The following CACNG5 variants were observed in gnomAD, a reference collection of about 807,000 sequenced individuals.
CACNG5 encodes voltage-dependent calcium channel gamma-5 subunit.
In CACNG5, 18 loss-of-function variants were observed where a neutral mutation model predicts 24.8. The observed-to-expected ratio is 0.73, with a 90% CI of 0.50 to 1.08. CACNG5 has a LOEUF of 1.08. CACNG5 is among the 50% of genes least tolerant of loss of function. The pLI, the probability that CACNG5 is intolerant of heterozygous loss-of-function variation, is 0.00. For missense variants in CACNG5, 349 were observed against 367.9 expected, an observed-to-expected ratio of 0.95 and a Z score of 0.42; for synonymous variants, 157 against 149.1, an observed-to-expected ratio of 1.05 and a Z score of -0.39.
intron 1 of CACNG5, among the ~76,000 whole-genome samples, chr17:66,876,863 T>C (rs529942328): frequency 2.0e-5 from 3 of 152,304 alleles, no homozygotes; most frequent in South Asian, 4.1e-4. Flanking sequence ...CAGCCCTCAA[T>C]AGGTCGCATT....
chr17:66,850,019 G>T (rs1289503563), intron 1 of CACNG5, among the ~76,000 whole-genome samples: 2 of 152,234 alleles, frequency 1.3e-5, no homozygotes, highest in Non-Finnish European at 2.9e-5. Flanking sequence ...CGGTACAACT[G>T]CCAGTCAATC....
rs945089792 is a variant in CACNG5 at position 66,889,722 on chromosome 17, T to C, written c.*4482T>C. ...CAGGGGAGGTCAGCCTTTGTTCTATTCAGGCTTTCAGTGCAGTGGTTGAGG... is the reference window on the plus strand; with the variant it reads ...CAGGGGAGGTCAGCCTTTGTTCTATCCAGGCTTTCAGTGCAGTGGTTGAGG... On this transcript the variant is annotated 3_prime_UTR_variant, in exon 6 of 6. Transcript: ENST00000533854. 4.6e-5 allele frequency among the ~76,000 whole-genome samples: 7 copies of C among 152,184 alleles called. No homozygotes were observed. The highest frequency in any genetic ancestry group is 7.3e-5 in the Non-Finnish European group (5 of 68,038).
At chr17:66,862,301 G>T (rs1568066836) in intron 1 of CACNG5, among the ~76,000 whole-genome samples, 1 of 151,858 alleles carries the variant, frequency 6.6e-6, no homozygotes, top group Non-Finnish European at 1.5e-5. Context: ...AGGTGTTGGG[G>T]AGACGTGAAT....
At chr17:66,860,067 ATC>A (rs1296430337) in intron 1 of CACNG5, among the ~76,000 whole-genome samples, 1 of 152,164 alleles carries the variant, frequency 6.6e-6, no homozygotes, top group Non-Finnish European at 1.5e-5. Context: ...CCATTCAGGA[ATC>A]TCTGTTTTTC....
chr17:66,848,048 C>G (rs1379349037), intron 1 of CACNG5, among the ~76,000 whole-genome samples: 3 of 152,202 alleles, frequency 2.0e-5, no homozygotes, highest in African/African-American at 7.2e-5. Flanking sequence ...TTGCTCTGTG[C>G]ATGGAAAATG....
intron 1 of CACNG5, among the ~76,000 whole-genome samples, chr17:66,858,219 G>A (rs1446731320): frequency 1.3e-5 from 2 of 152,124 alleles, no homozygotes; most frequent in Admixed American, 6.6e-5. Flanking sequence ...GTGCACACAA[G>A]CTTCCCAACC....
At chr17:66,883,555 T>G (rs1568073598) in intron 4 of CACNG5, among the ~76,000 whole-genome samples, 1 of 152,272 alleles carries the variant, frequency 6.6e-6, no homozygotes, top group Non-Finnish European at 1.5e-5. Flanking sequence ...ATAGAACTGA[T>G]GCCTGAGGCA....
intron 4 of CACNG5, among the ~76,000 whole-genome samples, chr17:66,882,048 G>A (rs939100589): frequency 3.3e-5 from 5 of 152,150 alleles, no homozygotes; most frequent in African/African-American, 1.2e-4. Flanking sequence ...GGGAATGGAG[G>A]GAGGGAGGGA....
At chr17:66,881,637 G>A (rs1031087176) in intron 4 of CACNG5, among the ~76,000 whole-genome samples, 2 of 152,226 alleles carry the variant, frequency 1.3e-5, no homozygotes, top group Non-Finnish European at 2.9e-5. Context: ...GATAGAAACA[G>A]TAGACAGAAG....
intron 1 of CACNG5, among the ~76,000 whole-genome samples, chr17:66,874,191 A>G (rs577795699): frequency 6.6e-6 from 1 of 152,322 alleles, no homozygotes; most frequent in South Asian, 2.1e-4. Flanking sequence ...GTGTGGTAAT[A>G]GAATAGCCAG....
At chr17:66,879,281 A>T (rs1977126263) in intron 3 of CACNG5, among the ~76,000 whole-genome samples, 1 of 152,192 alleles carries the variant, frequency 6.6e-6, no homozygotes, top group South Asian at 2.1e-4. Context: ...TCAATCAGGG[A>T]ACTGAGCTCT....
rs1327069903 is a variant in CACNG5 at position 66,885,324 on chromosome 17, GTGGTTGA to G, written c.*85_*91del. On this transcript the variant is annotated 3_prime_UTR_variant, in exon 6 of 6. Coordinates refer to ENST00000533854, the MANE Select transcript of CACNG5 (RefSeq NM_145811.3). ...CAGGTGACCCCTGAGCCCCAGGCCT[GTGGTTGA>G]CAGGCCCAGGCCACCCATGCTTAGC... The G allele has an allele frequency of 1.1e-4, 164 of 1,478,216 alleles. No homozygotes were observed. Among genetic ancestry groups the G allele is most frequent in the Non-Finnish European group, 1.5e-4 (162 of 1,113,390 alleles). 91.6% of individuals were successfully genotyped at this position (1,478,216 alleles called of 1,614,324 possible). A position where few individuals can be genotyped will look rare whatever the true frequency, so the allele number is the denominator to read the frequency against.
intron 1 of CACNG5, among the ~76,000 whole-genome samples, chr17:66,853,110 A>C (rs2143052008): frequency 6.6e-6 from 1 of 152,228 alleles, no homozygotes. Context: ...TACAGGTGTG[A>C]GCAACCATGC....
chr17:66,840,276 G>A (rs9902828), intron 1 of CACNG5, among the ~76,000 whole-genome samples: 12,448 of 152,204 alleles, frequency 0.082, 673 homozygotes, highest in African/African-American at 0.16. Flanking sequence ...CTGCAGCAAT[G>A]CCATCTGCTG....
intron 1 of CACNG5, among the ~76,000 whole-genome samples, chr17:66,859,532 T>G (rs904023983): frequency 6.6e-6 from 1 of 152,182 alleles, no homozygotes; most frequent in Admixed American, 6.5e-5. Context: ...TTGGTTGTCT[T>G]GTGAGAATCC....
At chr17:66,869,279 T>G (rs1229667616) in intron 1 of CACNG5, among the ~76,000 whole-genome samples, 1 of 152,118 alleles carries the variant, frequency 6.6e-6, no homozygotes, top group African/African-American at 2.4e-5. Flanking sequence ...AAACAGGATT[T>G]CACCAAGTTG....
rs891652832 is a variant in CACNG5 at position 66,886,805 on chromosome 17, A to T, written c.*1565A>T. 6.6e-6 allele frequency among the ~76,000 whole-genome samples: 1 copy of T among 152,118 alleles called. No individual in the cohort carries two copies. The highest frequency in any genetic ancestry group is 1.5e-5 in the Non-Finnish European group (1 of 68,032). On this transcript the variant is annotated 3_prime_UTR_variant, in exon 6 of 6. Coordinates refer to ENST00000533854, the MANE Select transcript of CACNG5 (RefSeq NM_145811.3). ...AAATAACGCACATGAATTTTCCTAC[A>T]GTTCTGGGTACCGGAGTCCAAGATC...
At chr17:66,878,647 T>C (rs745424326) in intron 2 of CACNG5, among the ~76,000 whole-genome samples, 11 of 152,178 alleles carry the variant, frequency 7.2e-5, no homozygotes, top group Non-Finnish European at 1.6e-4. Flanking sequence ...GTCAGCCCCA[T>C]CTGGCCAAAC....
At chr17:66,846,561 G>A (rs1598045605) in intron 1 of CACNG5, among the ~76,000 whole-genome samples, 2 of 152,140 alleles carry the variant, frequency 1.3e-5, no homozygotes, top group Admixed American at 1.3e-4. Context: ...GCATGCGTCC[G>A]TGCTTCCTTC....
Sources: allele counts gnomAD v4.1 joint callset (sites outside exome capture counted in the v4.1 genomes callset), GRCh38; gene constraint gnomAD v4.1.1; transcripts MANE v1.5; gene names NCBI Gene and HGNC (gene_info 2026-07-23, HGNC 2026-07-21).